Variants in TRIM5 observed in about 807,000 individuals in gnomAD.
The protein encoded by TRIM5 is tripartite motif-containing protein 5.
A neutral mutation model predicts 35.6 loss-of-function variants in TRIM5; 31 were observed. The observed-to-expected ratio is 0.87, with a 90% CI of 0.65 to 1.18. TRIM5 has a LOEUF of 1.18. TRIM5 is among the 50% of genes most tolerant of loss of function. The pLI is 0.00. For missense variants in TRIM5, 609 were observed against 591.6 expected, an observed-to-expected ratio of 1.03 and a Z score of -0.31; for synonymous variants, 243 against 215.6, an observed-to-expected ratio of 1.13 and a Z score of -1.11.
chr11:5,620,526 G>C, the TRIM5 span, among the ~76,000 whole-genome samples: 1 of 151,916 alleles, frequency 6.6e-6, no homozygotes, highest in African/African-American at 2.4e-5. Context: ...TGTGAGGGTT[G>C]CAGTAATGAG....
chr11:5,634,486 TATAAATAC>T, the TRIM5 span: 1 of 426,188 alleles, frequency 2.3e-6, no homozygotes, highest in Non-Finnish European at 3.5e-6. Context: ...ATACAGATAA[TATAAATAC>T]ACACACACAC....
the TRIM5 span, among the ~76,000 whole-genome samples, chr11:5,655,115 C>T: frequency 4.6e-5 from 7 of 151,538 alleles, no homozygotes; most frequent in Non-Finnish European, 1.0e-4. Context: ...ATGGCTTGAA[C>T]CTGGGAGGTG....
Position 5,663,672 on chromosome 11 carries a change from G to T in TRIM5, c.*1137C>A, listed in dbSNP as rs1850916990. 1 of 711,558 alleles carries T rather than the reference G, an allele frequency of 1.4e-6. No individual in the cohort carries two copies. Among genetic ancestry groups the T allele is most frequent in the South Asian group, 6.4e-5 (1 of 15,672 alleles). 44.1% of individuals were successfully genotyped at this position (711,558 alleles called of 1,614,324 possible). The stretch of plus-strand genomic sequence containing the variant: ...AATAATAAATATACATATTTATGTG[G>T]TACAGTGTGATGTTTTGATACATGT... On this transcript the variant is annotated 3_prime_UTR_variant, in exon 8 of 8. Coordinates refer to ENST00000380034, the MANE Select transcript of TRIM5 (RefSeq NM_033034.3).
At chr11:5,598,492 A>C in the TRIM5 span, among the ~76,000 whole-genome samples, 2 of 152,214 alleles carry the variant, frequency 1.3e-5, no homozygotes, top group South Asian at 4.1e-4. Flanking sequence ...AATGTTACAT[A>C]CTCAAGTAGC....
the TRIM5 span, among the ~76,000 whole-genome samples, chr11:5,602,251 T>G: frequency 6.6e-6 from 1 of 151,282 alleles, no homozygotes; most frequent in Non-Finnish European, 1.5e-5. Context: ...CCATCCTGGC[T>G]AACACAGTGA....
At chr11:5,637,668 A>G in the TRIM5 span, among the ~76,000 whole-genome samples, 1 of 152,178 alleles carries the variant, frequency 6.6e-6, no homozygotes, top group Non-Finnish European at 1.5e-5. Context: ...CTGTGCAACC[A>G]TTAAGTGGGA....
At chr11:5,653,561 G>A in the TRIM5 span, among the ~76,000 whole-genome samples, 10 of 147,964 alleles carry the variant, frequency 6.8e-5, no homozygotes, top group South Asian at 4.3e-4. Context: ...GAGTGATCTC[G>A]ACTCACTGCA....
chr11:5,629,547 C>A, the TRIM5 span, among the ~76,000 whole-genome samples: 10 of 152,148 alleles, frequency 6.6e-5, no homozygotes, highest in African/African-American at 2.4e-4. Flanking sequence ...TATCATCATG[C>A]CACTACTCTG....
At chr11:5,677,154 A>C (rs928213374) in intron 4 of TRIM5, among the ~76,000 whole-genome samples, 3 of 152,004 alleles carry the variant, frequency 2.0e-5, no homozygotes, top group Admixed American at 1.3e-4. Context: ...ACTACCATCA[A>C]AGTGAACAGG....
At chr11:5,655,732 C>A in the TRIM5 span, 6 of 977,184 alleles carry the variant, frequency 6.1e-6, no homozygotes, top group African/African-American at 7.0e-5. Flanking sequence ...GATAACCGGG[C>A]ACAAAAGTAT....
At chr11:5,610,361 G>A in the TRIM5 span, 2 of 1,563,992 alleles carry the variant, frequency 1.3e-6, no homozygotes, top group Non-Finnish European at 1.7e-6. Context: ...AGGTCCCAGA[G>A]GGAGGGACAT....
chr11:5,680,240 TG>T lies in TRIM5; in HGVS notation c.-61-3del. ...GAGGTTCCTCTTGTTCACAGATCCC[TG>T]CATGATTGGGAAGGTTAAAATGGGA... On this transcript the variant is annotated splice_polypyrimidine_tract_variant and splice_region_variant and intron_variant, in intron 1 of 7. Transcript: ENST00000380034. 6.8e-7 allele frequency: 1 copy of T among 1,477,290 alleles called. No individual in the cohort carries two copies. The highest frequency in any genetic ancestry group is 1.8e-4 in the Middle Eastern group (1 of 5,484). The allele number at this position is 1,477,290 out of a possible 1,614,324, so 91.5% of individuals were successfully genotyped here. A position where few individuals can be genotyped will look rare whatever the true frequency, so the allele number is the denominator to read the frequency against.
the TRIM5 span, among the ~76,000 whole-genome samples, chr11:5,646,760 C>T: frequency 6.6e-6 from 1 of 152,062 alleles, no homozygotes; most frequent in African/African-American, 2.4e-5. Context: ...GAGGGCAGAC[C>T]CTTGACCCTA....
the TRIM5 span, among the ~76,000 whole-genome samples, chr11:5,655,086 G>T: frequency 6.6e-6 from 1 of 151,742 alleles, no homozygotes; most frequent in Non-Finnish European, 1.5e-5. Context: ...CAGCTACTTC[G>T]GGAGGCTGAG....
the TRIM5 span, chr11:5,634,724 T>G: frequency 6.2e-7 from 1 of 1,613,938 alleles, no homozygotes. Context: ...GCTGCAAAGA[T>G]TGGAAGAAGA....
chr11:5,684,124 C>T (rs1814722), intron 1 of TRIM5: 89,840 of 170,440 alleles, frequency 0.53, 23,782 homozygotes, highest in African/African-American at 0.53. Context: ...TCACTGCAAG[C>T]GTCCGCGGCT....
the TRIM5 span, chr11:5,655,708 A>C: frequency 2.0e-6 from 2 of 985,398 alleles, no homozygotes; most frequent in Non-Finnish European, 2.4e-6. Context: ...TGCAGTCAAA[A>C]AAAGAATAAG....
the TRIM5 span, among the ~76,000 whole-genome samples, chr11:5,619,341 G>C: frequency 6.6e-6 from 1 of 152,212 alleles, no homozygotes; most frequent in African/African-American, 2.4e-5. Context: ...GAGAAGTACA[G>C]GAATCTTCAG....
the TRIM5 span, chr11:5,596,625 C>T: frequency 3.0e-6 from 1 of 329,480 alleles, no homozygotes; most frequent in Non-Finnish European, 5.5e-6. Context: ...CCCAGGCGGC[C>T]CGACTCCTCC....
Sources: allele counts gnomAD v4.1 joint callset (sites outside exome capture counted in the v4.1 genomes callset), GRCh38; gene constraint gnomAD v4.1.1; transcripts MANE v1.5; gene names NCBI Gene and HGNC (gene_info 2026-07-23, HGNC 2026-07-21).